The following EFR3B variants were observed in gnomAD, a reference collection of about 807,000 sequenced individuals.
EFR3B encodes EFR3 homolog B.
EFR3B carries 64 observed loss-of-function variants against 104.7 expected under a neutral mutation model. That is an observed-to-expected ratio of 0.61 (90% CI 0.50 to 0.75). The LOEUF (loss-of-function observed/expected upper bound fraction) is 0.75, where lower values mean the gene tolerates loss of function less well. Ranked by LOEUF, EFR3B falls within the 30% of genes least tolerant of loss-of-function variation. The pLI is 0.00. For synonymous variants in EFR3B, 385 were observed against 417.9 expected, an observed-to-expected ratio of 0.92 and a Z score of 0.96; for missense variants, 750 against 1,078.5, an observed-to-expected ratio of 0.70 and a Z score of 4.27.
chr2:25,093,057 C>G lies in EFR3B; in HGVS notation c.139C>G (p.Pro47Ala), dbSNP rs1215668889. ...EKLTFYALSA[P>A]EKLDRIGAYL... ...GCTGACCTTCTATGCCCTCTCAGCT[C>G]CAGAAAAACTTGATCGTATTGGCGC... The change falls in exon 3 of 23, where the codon CCA (proline) becomes GCA (alanine). Residue 47 changes from proline to alanine, a missense_variant. Physicochemically the swap from Pro to Ala is conservative, Grantham distance 27 (BLOSUM62 -1). Coordinates refer to ENST00000403714, the MANE Select transcript of EFR3B (RefSeq NM_014971.2). 1 of 1,550,888 alleles carries G rather than the reference C, an allele frequency of 6.4e-7. No homozygotes were observed. The highest frequency in any genetic ancestry group is 2.0e-5 in the Admixed American group (1 of 51,000).
chr2:25,141,151 G>A (rs900863602), intron 16 of EFR3B, among the ~76,000 whole-genome samples: 1 of 151,820 alleles, frequency 6.6e-6, no homozygotes, highest in Non-Finnish European at 1.5e-5. Flanking sequence ...ATGTGTCATT[G>A]ATGGCCATGG....
chr2:25,045,602 C>G (rs796074699), intron 1 of EFR3B, among the ~76,000 whole-genome samples: 2 of 151,112 alleles, frequency 1.3e-5, no homozygotes. Context: ...GCCAACATGG[C>G]GAAACCCCGT....
chr2:25,150,759 C>T (rs956335729), intron 20 of EFR3B, among the ~76,000 whole-genome samples: 1 of 151,758 alleles, frequency 6.6e-6, no homozygotes, highest in Non-Finnish European at 1.5e-5. Context: ...TACAGGTGCC[C>T]GCCACCACAC....
rs181383172 is a variant in EFR3B, at chr2:25,110,839, T to C, written c.363+7052T>C. 1.2e-4 allele frequency among the ~76,000 whole-genome samples: 18 copies of C among 152,356 alleles called. No homozygotes were observed. In the East Asian group the frequency reaches 2.7e-3, roughly 23 times the overall value. On this transcript the variant is annotated intron_variant, in intron 4 of 22. Coordinates refer to ENST00000403714, the MANE Select transcript of EFR3B (RefSeq NM_014971.2). ...TCCCCCGTTGTCTGCATTGCTATCC[T>C]TTTTCAAATCAGAACTTAGTAAAGA... is the stretch of plus-strand genomic sequence containing the variant.
rs1313532703 is a variant in EFR3B at position 25,131,506 on chromosome 2, A to G, written c.985+3A>G. The G allele has an allele frequency of 6.5e-7, 1 of 1,549,104 alleles. No homozygotes were observed. Among genetic ancestry groups the G allele is most frequent in the Non-Finnish European group, 8.7e-7 (1 of 1,146,790 alleles). On this transcript the variant is annotated splice_donor_region_variant and intron_variant, in intron 9 of 22. Coordinates refer to ENST00000403714, the MANE Select transcript of EFR3B (RefSeq NM_014971.2). This position sits in a 1 kb window ranked among gnomAD's most constrained non-coding sequence, Gnocchi z 7.6. ...CATCGCTGCCACCGGCTCTGTGGGTAAGGGGCATGGCTAGGGCCTGAGGGC... is the reference window on the plus strand; with the variant it reads ...CATCGCTGCCACCGGCTCTGTGGGTGAGGGGCATGGCTAGGGCCTGAGGGC...
chr2:25,060,068 G>A (rs193026189), intron 1 of EFR3B, among the ~76,000 whole-genome samples: 7 of 150,284 alleles, frequency 4.7e-5, no homozygotes, highest in Non-Finnish European at 7.4e-5. Flanking sequence ...GTGGTGGCGC[G>A]GCCTGTAGTC....
At chr2:25,062,264 A>G (rs1668218073) in intron 1 of EFR3B, among the ~76,000 whole-genome samples, 1 of 152,212 alleles carries the variant, frequency 6.6e-6, no homozygotes, top group Non-Finnish European at 1.5e-5. Flanking sequence ...AAACAAATCT[A>G]TGATAATAGA....
chr2:25,105,663 G>A (rs1282307871), intron 4 of EFR3B, among the ~76,000 whole-genome samples: 3 of 152,170 alleles, frequency 2.0e-5, no homozygotes, highest in Admixed American at 6.6e-5. Context: ...AGTTGCTCTG[G>A]CAACAGCTTC....
chr2:25,071,339 CA>C (rs1417244373), intron 1 of EFR3B, among the ~76,000 whole-genome samples: 1 of 151,236 alleles, frequency 6.6e-6, no homozygotes, highest in Non-Finnish European at 1.5e-5. Context: ...TGGCTCACTG[CA>C]ATGTCTGCCT....
chr2:25,143,114 G>A (rs1435057556), intron 17 of EFR3B, among the ~76,000 whole-genome samples: 2 of 151,992 alleles, frequency 1.3e-5, no homozygotes, highest in Admixed American at 1.3e-4. Context: ...AGGCTTGGAG[G>A]CTGAGGTAGG....
rs1669798763 is a variant in EFR3B at position 25,114,142 on chromosome 2, G to A, written c.364-7531G>A. Among the ~76,000 whole-genome samples the A allele has an allele frequency of 6.6e-6, 1 of 152,082 alleles. No homozygotes were observed. The highest frequency in any genetic ancestry group is 2.1e-4 in the South Asian group (1 of 4,812). On this transcript the variant is annotated intron_variant, in intron 4 of 22. Coordinates refer to ENST00000403714, the MANE Select transcript of EFR3B (RefSeq NM_014971.2). The surrounding 1 kb of genome is among the most constrained non-coding windows in gnomAD (Gnocchi z 4.0). ...CAATAGGTGTGGTCCTTTGACCAGG[G>A]CCCCCGGGAAAAACCCCATCAGACC...
chr2:25,047,335 C>A (rs572786020), intron 1 of EFR3B, among the ~76,000 whole-genome samples: 3 of 152,030 alleles, frequency 2.0e-5, no homozygotes, highest in African/African-American at 7.2e-5. Flanking sequence ...CTCCGACCCT[C>A]GGGTAATCTT....
Position 25,110,597 on chromosome 2 carries a change from C to T in EFR3B, c.363+6810C>T, listed in dbSNP as rs150474654. 3.2e-4 allele frequency among the ~76,000 whole-genome samples: 48 copies of T among 152,326 alleles called. No individual in the cohort carries two copies. The East Asian group carries it at 9.1e-3, about 29-fold the overall frequency. ...TCCATTCTTTCTGCCCCTTCCCCAT[C>T]TCCACCCTTTGCCTTGCTTTGATTC... On this transcript the variant is annotated intron_variant, in intron 4 of 22. Coordinates refer to ENST00000403714, the MANE Select transcript of EFR3B (RefSeq NM_014971.2).
chr2:25,090,543 A>C (rs1669083514), intron 1 of EFR3B, among the ~76,000 whole-genome samples: 1 of 152,218 alleles, frequency 6.6e-6, no homozygotes, highest in African/African-American at 2.4e-5. Context: ...CAGGGTTGTT[A>C]GATTTTTCAT....
At chr2:25,053,340 A>G (rs938522140) in intron 1 of EFR3B, among the ~76,000 whole-genome samples, 6 of 152,210 alleles carry the variant, frequency 3.9e-5, no homozygotes, top group African/African-American at 1.4e-4. Context: ...AGGTCCTGAG[A>G]GACAGGCCAG....
rs1212792256 is a variant in EFR3B, at chr2:25,157,224, T to G, written c.*2884T>G. ...AACTGGTCATTTTTTTTGAGTGCCC[T>G]CTTCTCAGTTTTGTTTAAACTTACA... On this transcript the variant is annotated 3_prime_UTR_variant, in exon 23 of 23. Transcript: ENST00000403714. 6.6e-6 allele frequency: 1 copy of G among 152,186 alleles called. No individual in the cohort carries two copies. The highest frequency in any genetic ancestry group is 1.5e-5 in the Non-Finnish European group (1 of 68,028). 9.4% of individuals were successfully genotyped at this position (152,186 alleles called of 1,614,324 possible).
rs1378515812 is a variant in EFR3B, at chr2:25,130,617, T to G, written c.836T>G (p.Met279Arg). The G allele has an allele frequency of 6.4e-7, 1 of 1,551,664 alleles. No homozygotes were observed. Among genetic ancestry groups the G allele is most frequent in the Non-Finnish European group, 8.7e-7 (1 of 1,146,974 alleles). The change falls in exon 8 of 23, where the codon ATG becomes AGG. Residue 279 changes from methionine to arginine, a missense_variant. By Grantham distance (91) the Met-to-Arg change is moderately conservative. Coordinates refer to ENST00000403714, the MANE Select transcript of EFR3B (RefSeq NM_014971.2). The surrounding 1 kb of genome is among the most constrained non-coding windows in gnomAD (Gnocchi z 4.6). ...GCCATCCGTTGCTTTAAAATCATCATGTACTCAATTCAGGTATGGTGGCTC... is the reference window on the plus strand; with the variant it reads ...GCCATCCGTTGCTTTAAAATCATCAGGTACTCAATTCAGGTATGGTGGCTC... ...VFAIRCFKIIMYSIQPQHSHL... is the reference protein window; with the variant it reads ...VFAIRCFKIIRYSIQPQHSHL...
rs1009955656 is a variant in EFR3B, at chr2:25,059,580, G to C, written c.7+17261G>C. Among the ~76,000 whole-genome samples the C allele has an allele frequency of 5.8e-4, 85 of 145,774 alleles. 7 individuals are homozygous for C. Among genetic ancestry groups the C allele is most frequent in the African/African-American group, 2.1e-3 (82 of 39,492 alleles). ...GAGGTTACCAGGGACTGCGGGGGGGGGGGGGGTGGAGATTGGGGAATTGTT... is the reference window on the plus strand; with the variant it reads ...GAGGTTACCAGGGACTGCGGGGGGGCGGGGGGTGGAGATTGGGGAATTGTT... On this transcript the variant is annotated intron_variant, in intron 1 of 22. Coordinates refer to ENST00000403714, the MANE Select transcript of EFR3B (RefSeq NM_014971.2).
At position 25,154,434 on chromosome 2, in the gene EFR3B, T is replaced by C; in HGVS notation, c.*94T>C. The C allele has an allele frequency of 8.6e-7, 1 of 1,167,680 alleles. No homozygotes were observed. The highest frequency in any genetic ancestry group is 1.2e-6 in the Non-Finnish European group (1 of 815,386). The allele number at this position is 1,167,680 out of a possible 1,614,324, so 72.3% of individuals were successfully genotyped here. On this transcript the variant is annotated 3_prime_UTR_variant, in exon 23 of 23. Coordinates refer to ENST00000403714, the MANE Select transcript of EFR3B (RefSeq NM_014971.2). The surrounding 1 kb of genome is among the most constrained non-coding windows in gnomAD (Gnocchi z 4.1). ...CACATGGAGATCTGGCTGTGATCTC[T>C]GAGAAAACATCACCTTAGATGGCAG...
Sources: gnomAD v4.1 joint callset for allele counts (sites outside exome capture counted in the v4.1 genomes callset) on GRCh38, gnomAD v4.1.1 for gene constraint, Gnocchi (gnomAD v3.1) non-coding constraint, MANE v1.5 for transcripts, NCBI Gene and HGNC (gene_info 2026-07-23, HGNC 2026-07-21) for gene names.